The following ALCAM variants were observed in gnomAD, a reference collection of about 807,000 sequenced individuals.
ALCAM encodes activated leukocyte cell adhesion molecule.
In ALCAM, 30 loss-of-function variants were observed where a neutral mutation model predicts 70.9. The observed-to-expected ratio is 0.42, with a 90% CI of 0.32 to 0.57. The LOEUF is 0.57. Ranked by LOEUF, ALCAM falls within the 20% of genes least tolerant of loss-of-function variation. ALCAM has a pLI of 0.11. For missense variants in ALCAM, 591 were observed against 695.1 expected (o/e 0.85, Z 1.68); for synonymous variants, 249 against 242.5 (o/e 1.03, Z -0.25).
intron 8 of ALCAM, among the ~76,000 whole-genome samples, chr3:105,542,241 G>A (rs1940135102): frequency 1.3e-5 from 2 of 151,744 alleles, no homozygotes; most frequent in Admixed American, 1.3e-4. Flanking sequence ...GTTATTTATT[G>A]GCTGAATGTA....
At chr3:105,540,527 A>G (rs1390657193) in intron 7 of ALCAM, among the ~76,000 whole-genome samples, 6 of 151,992 alleles carry the variant, frequency 3.9e-5, no homozygotes, top group Admixed American at 3.9e-4. Flanking sequence ...ATTTAGGATA[A>G]TGCTATGGCT....
chr3:105,369,101 G>C (rs1042642989), intron 1 of ALCAM, among the ~76,000 whole-genome samples: 9 of 152,160 alleles, frequency 5.9e-5, no homozygotes, highest in Non-Finnish European at 1.3e-4. Flanking sequence ...CAAGGGTGAT[G>C]TCGGTTTGTA....
At chr3:105,548,780 A>G (rs1264105176) in intron 11 of ALCAM, among the ~76,000 whole-genome samples, 1 of 151,506 alleles carries the variant, frequency 6.6e-6, no homozygotes, top group African/African-American at 2.4e-5. Flanking sequence ...TTGATTTGGA[A>G]TAAAGACTTG....
chr3:105,435,381 A>G (rs1937028067), intron 1 of ALCAM, among the ~76,000 whole-genome samples: 1 of 152,240 alleles, frequency 6.6e-6, no homozygotes. Context: ...CTGAGTAAAT[A>G]AAAGGAGGAC....
chr3:105,428,933 C>A (rs1377609029), intron 1 of ALCAM, among the ~76,000 whole-genome samples: 1 of 151,758 alleles, frequency 6.6e-6, no homozygotes, highest in African/African-American at 2.4e-5. Context: ...TTGATAAAAC[C>A]ATCATATTGG....
intron 1 of ALCAM, among the ~76,000 whole-genome samples, chr3:105,469,792 T>G (rs1576184063): frequency 6.6e-6 from 1 of 151,044 alleles, no homozygotes; most frequent in East Asian, 1.9e-4. Context: ...TCAAATTTAT[T>G]TCATATTATC....
Position 105,438,613 on chromosome 3 carries a change from A to G in ALCAM, c.73+71132A>G, listed in dbSNP as rs538759944. Among the ~76,000 whole-genome samples, 5 of 152,340 alleles carry G rather than the reference A, an allele frequency of 3.3e-5. No homozygotes were observed. In the East Asian group the frequency reaches 9.6e-4, roughly 29 times the overall value. ...TATATAGGTTTTATTATTTTCTTGT[A>G]ATTCTCAATACTTGAATTTTACAAG... On this transcript the variant is annotated intron_variant, in intron 1 of 15. Transcript: ENST00000306107.
At chr3:105,392,773 C>G (rs1298311519) in intron 1 of ALCAM, among the ~76,000 whole-genome samples, 1 of 151,700 alleles carries the variant, frequency 6.6e-6, no homozygotes, top group Non-Finnish European at 1.5e-5. Context: ...TTCTGGTACA[C>G]TGTCTCTTTG....
intron 2 of ALCAM, among the ~76,000 whole-genome samples, chr3:105,522,496 A>G (rs951177450): frequency 3.3e-5 from 5 of 152,186 alleles, no homozygotes; most frequent in African/African-American, 1.2e-4. Context: ...CGAAGTAAAC[A>G]TAGAGAAGAA....
intron 3 of ALCAM, chr3:105,524,874 A>C: frequency 1.0e-6 from 1 of 999,212 alleles, no homozygotes. Flanking sequence ...GTAATCATGT[A>C]TATCACGCAT....
At chr3:105,552,380 A>G (rs1559654036) in intron 13 of ALCAM, 88 bp from the exon 14 acceptor site, 1 of 1,434,178 alleles carries the variant, frequency 7.0e-7, no homozygotes, top group Non-Finnish European at 9.8e-7. Context: ...AGCTTTAGTC[A>G]TTTTTAATAC....
chr3:105,422,656 TG>T (rs1936697909), intron 1 of ALCAM, among the ~76,000 whole-genome samples: 1 of 151,506 alleles, frequency 6.6e-6, no homozygotes, highest in African/African-American at 2.4e-5. Context: ...TGGATTTCTT[TG>T]TTGTATTACG....
intron 1 of ALCAM, among the ~76,000 whole-genome samples, chr3:105,446,610 T>TACACACAC (rs59828133): frequency 6.2e-5 from 9 of 144,124 alleles, no homozygotes; most frequent in South Asian, 4.5e-4. Flanking sequence ...AAATTTGGTG[T>TACACACAC]ACACACACAC....
At chr3:105,385,359 A>G (rs1421209242) in intron 1 of ALCAM, among the ~76,000 whole-genome samples, 1 of 151,588 alleles carries the variant, frequency 6.6e-6, no homozygotes, top group Non-Finnish European at 1.5e-5. Flanking sequence ...AGCAGCTTGT[A>G]CTGATGAGAA....
intron 1 of ALCAM, among the ~76,000 whole-genome samples, chr3:105,419,239 G>T (rs544780914): frequency 6.6e-6 from 1 of 151,714 alleles, no homozygotes; most frequent in Non-Finnish European, 1.5e-5. Flanking sequence ...CAAAGGAATT[G>T]AATTTAAAGA....
chr3:105,377,450 C>T (rs960602945), intron 1 of ALCAM, among the ~76,000 whole-genome samples: 3 of 151,994 alleles, frequency 2.0e-5, no homozygotes, highest in African/African-American at 7.2e-5. Context: ...TTAAAAAAAT[C>T]CCAACAAAAG....
At chr3:105,423,302 G>A (rs1368057077) in intron 1 of ALCAM, among the ~76,000 whole-genome samples, 1 of 151,100 alleles carries the variant, frequency 6.6e-6, no homozygotes, top group Non-Finnish European at 1.5e-5. Context: ...AATAAATATT[G>A]TGACAAATGA....
At chr3:105,436,488 C>G (rs928525197) in intron 1 of ALCAM, among the ~76,000 whole-genome samples, 2 of 151,948 alleles carry the variant, frequency 1.3e-5, no homozygotes, top group Non-Finnish European at 2.9e-5. Flanking sequence ...CCACCACACC[C>G]GGCTAATTTT....
chr3:105,543,323 A>G (rs1157961898), intron 8 of ALCAM, among the ~76,000 whole-genome samples: 2 of 151,756 alleles, frequency 1.3e-5, no homozygotes, highest in African/African-American at 4.8e-5. Context: ...AGTGCATTTA[A>G]TTAGATTTAA....
Sources: gnomAD v4.1 joint callset for allele counts (sites outside exome capture counted in the v4.1 genomes callset) on GRCh38, gnomAD v4.1.1 for gene constraint, MANE v1.5 for transcripts, NCBI Gene and HGNC (gene_info 2026-07-23, HGNC 2026-07-21) for gene names.